Variants in RYR3 observed in about 807,000 individuals in gnomAD.
RYR3 encodes the protein brain ryanodine receptor-calcium release channel.
Under a neutral mutation model 584.3 loss-of-function variants are expected in RYR3, and 207 were observed. The observed-to-expected ratio is 0.35, with a 90% CI of 0.32 to 0.40. RYR3 has a LOEUF of 0.40. RYR3 is among the 10% of genes least tolerant of loss of function. The pLI is 1.00. For synonymous variants in RYR3, 2,416 were observed against 2,248.5 expected (o/e 1.07, Z -2.11); for missense variants, 5,616 against 6,089.2 (o/e 0.92, Z 2.59).
intron 1 of RYR3, among the ~76,000 whole-genome samples, chr15:33,469,923 T>A (rs2048797745): frequency 1.3e-5 from 2 of 152,002 alleles, no homozygotes; most frequent in Admixed American, 6.6e-5. Context: ...CAGAGATGAA[T>A]ACGGGAATGG....
intron 8 of RYR3, among the ~76,000 whole-genome samples, chr15:33,544,881 T>C (rs2056121523): frequency 6.6e-6 from 1 of 152,086 alleles, no homozygotes; most frequent in Non-Finnish European, 1.5e-5. Flanking sequence ...TTATCTCGAT[T>C]AGGAAGTTAG....
At position 33,837,080 on chromosome 15, in the gene RYR3, C is replaced by T. The variant is rs1596920230; in HGVS notation, c.11650+93C>T. The stretch of plus-strand genomic sequence containing the variant: ...CATGCAGATTATCCTTCTGGCAGGT[C>T]ACTGATGCCATATGACATTGGTCAG... On this transcript the variant is annotated intron_variant, in intron 88 of 103. Transcript: ENST00000634891. 9.8e-6 allele frequency: 10 copies of T among 1,023,984 alleles called. No individual in the cohort carries two copies. The East Asian group carries it at 2.6e-4, about 27-fold the overall frequency. The allele number at this position is 1,023,984 out of a possible 1,614,324, so 63.4% of individuals were successfully genotyped here. A position where few individuals can be genotyped will look rare whatever the true frequency, so the allele number is the denominator to read the frequency against.
At chr15:33,801,040 G>A (rs912363450) in intron 68 of RYR3, among the ~76,000 whole-genome samples, 183 bp downstream of exon 68, 2 of 152,192 alleles carry the variant, frequency 1.3e-5, no homozygotes, top group South Asian at 2.1e-4. Flanking sequence ...AGGTGGTTGG[G>A]TTACAGCTTG....
rs1424733595 is a variant in RYR3, at chr15:33,603,367, G to A, written c.2164+3G>A. 2.6e-6 allele frequency: 4 copies of A among 1,559,500 alleles called. No homozygotes were observed. In the South Asian group the frequency reaches 4.8e-5, roughly 19 times the overall value. ...TGATGGACTTCACCTTTGGTCAGGT[G>A]AGTACCTTGCTAAAGCTTTGGCTCA... On this transcript the variant is annotated splice_donor_region_variant and intron_variant, in intron 18 of 103. Transcript: ENST00000634891.
chr15:33,549,735 A>C (rs972300559), intron 9 of RYR3, among the ~76,000 whole-genome samples: 16 of 152,268 alleles, frequency 1.1e-4, no homozygotes, highest in African/African-American at 3.8e-4. Context: ...TATTTTTACT[A>C]TTTCCCTTGA....
chr15:33,491,891 G>T (rs979453922), intron 2 of RYR3, among the ~76,000 whole-genome samples: 1 of 152,206 alleles, frequency 6.6e-6, no homozygotes, highest in Admixed American at 6.5e-5. Flanking sequence ...CTGGGTGAAA[G>T]ATGTCAATGA....
intron 19 of RYR3, among the ~76,000 whole-genome samples, chr15:33,621,556 C>G (rs2060725930): frequency 6.6e-6 from 1 of 152,128 alleles, no homozygotes; most frequent in Admixed American, 6.5e-5. Context: ...TGTTCAAATT[C>G]TTAATACACA....
intron 86 of RYR3, among the ~76,000 whole-genome samples, chr15:33,832,082 T>G (rs547240753): frequency 3.3e-5 from 5 of 152,076 alleles, no homozygotes; most frequent in African/African-American, 1.2e-4. Context: ...TTGTCTGAGC[T>G]CAGGAGTTCG....
At chr15:33,662,102 C>G (rs2063198870) in intron 34 of RYR3, 51 bp from the exon 35 acceptor site, 1 of 1,441,962 alleles carries the variant, frequency 6.9e-7, no homozygotes, top group East Asian at 2.4e-5. Flanking sequence ...TAGCTGGATT[C>G]TGGTGGGTTC....
chr15:33,664,734 C>T (rs1214915437), intron 36 of RYR3, among the ~76,000 whole-genome samples: 2 of 151,482 alleles, frequency 1.3e-5, no homozygotes, highest in African/African-American at 4.9e-5. Flanking sequence ...TGACGCCTGT[C>T]ATAGAGTAAG....
intron 16 of RYR3, among the ~76,000 whole-genome samples, chr15:33,598,224 C>A (rs1387523409): frequency 4.9e-5 from 3 of 61,380 alleles, no homozygotes; most frequent in Non-Finnish European, 8.8e-5. Context: ...ATTCAGTTAA[C>A]TGAGAAGAAA....
chr15:33,545,337 C>T (rs891998262), intron 8 of RYR3, among the ~76,000 whole-genome samples: 1 of 152,082 alleles, frequency 6.6e-6, no homozygotes, highest in South Asian at 2.1e-4. Flanking sequence ...AGGAAAGGCT[C>T]AGCAAGTGTT....
At chr15:33,864,832 A>AATC (rs1889900654) in intron 103 of RYR3, 2 of 306,978 alleles carry the variant, frequency 6.5e-6, no homozygotes, top group African/African-American at 2.1e-5. Context: ...AGCGGCATGG[A>AATC]ATCAGCTTAT....
At chr15:33,812,154 G>C (rs1355812486) in intron 72 of RYR3, among the ~76,000 whole-genome samples, 2 of 152,070 alleles carry the variant, frequency 1.3e-5, no homozygotes, top group South Asian at 2.1e-4. Flanking sequence ...CCTTGAACCA[G>C]TAAAACCCAC....
At chr15:33,554,236 A>G (rs919108476) in intron 10 of RYR3, among the ~76,000 whole-genome samples, 7 of 151,872 alleles carry the variant, frequency 4.6e-5, no homozygotes, top group African/African-American at 1.7e-4. Flanking sequence ...GGGTTACATC[A>G]GTGTGGTCAT....
chr15:33,855,152 T>A (rs186249234), intron 98 of RYR3, among the ~76,000 whole-genome samples: 2 of 151,902 alleles, frequency 1.3e-5, no homozygotes, highest in Non-Finnish European at 2.9e-5. Flanking sequence ...GACATTTAGA[T>A]CAACCAGGAG....
At chr15:33,331,620 T>C (rs1970388473) in intron 1 of RYR3, among the ~76,000 whole-genome samples, 1 of 152,022 alleles carries the variant, frequency 6.6e-6, no homozygotes, top group African/African-American at 2.4e-5. Flanking sequence ...GAAATTATCT[T>C]TCAAGAATAA....
At chr15:33,528,839 C>T (rs1231805912) in intron 3 of RYR3, among the ~76,000 whole-genome samples, 6 of 152,156 alleles carry the variant, frequency 3.9e-5, no homozygotes, top group Non-Finnish European at 7.3e-5. Context: ...CCCCCTCCCC[C>T]AGCTTTTGGG....
rs1480468950 is a variant in RYR3, at chr15:33,865,443, A to G, written c.*217A>G. On this transcript the variant is annotated 3_prime_UTR_variant, in exon 104 of 104. Transcript: ENST00000634891. ...AGAGAACCTGTCAAAATGTCGAAGA[A>G]GGAAGGCGAAGAATCAAGTAATCTC... The G allele has an allele frequency of 2.0e-6, 1 of 493,780 alleles. No individual in the cohort carries two copies. The highest frequency in any genetic ancestry group is 3.1e-5 in the East Asian group (1 of 31,814). 30.6% of individuals were successfully genotyped at this position (493,780 alleles called of 1,614,324 possible).
Sources: gnomAD v4.1 joint callset for allele counts (sites outside exome capture counted in the v4.1 genomes callset) on GRCh38, gnomAD v4.1.1 for gene constraint, MANE v1.5 for transcripts, NCBI Gene and HGNC (gene_info 2026-07-23, HGNC 2026-07-21) for gene names.